Variants in ERC1 observed in about 807,000 individuals in gnomAD.
ERC1 encodes RAB6 interacting protein 2.
In ERC1, 56 loss-of-function variants were observed where a neutral mutation model predicts 132.0. The observed-to-expected ratio is 0.42, with a 90% CI of 0.34 to 0.53. ERC1 has a LOEUF of 0.53. Among genes scored for constraint, ERC1 ranks in the 20% least tolerant of loss-of-function variants. The probability of loss-of-function intolerance (pLI) is 0.03; values close to 1 mark genes in which losing one functional copy is unlikely to be tolerated. For synonymous variants in ERC1, 478 were observed against 476.1 expected (o/e 1.00, Z -0.05); for missense variants, 1,202 against 1,349.9 (o/e 0.89, Z 1.72).
At chr12:1,207,302 A>AT (rs976855294) in intron 12 of ERC1, among the ~76,000 whole-genome samples, 5 of 150,848 alleles carry the variant, frequency 3.3e-5, no homozygotes, top group African/African-American at 7.5e-5. Context: ...TTAGTTTCTT[A>AT]TTTTTTTAGC....
At chr12:1,262,139 GT>G (rs2077182767) in intron 13 of ERC1, among the ~76,000 whole-genome samples, 1 of 152,128 alleles carries the variant, frequency 6.6e-6, no homozygotes, top group South Asian at 2.1e-4. Context: ...TTGCTCTTTT[GT>G]TTTATGTATT....
intron 17 of ERC1, among the ~76,000 whole-genome samples, chr12:1,412,889 A>G (rs1277681885): frequency 6.6e-6 from 1 of 152,230 alleles, no homozygotes; most frequent in African/African-American, 2.4e-5. Context: ...CTTTCAATAA[A>G]TGTTAGTTCC....
chr12:1,344,389 G>A (rs556531227), intron 15 of ERC1, among the ~76,000 whole-genome samples: 10 of 152,296 alleles, frequency 6.6e-5, no homozygotes, highest in Admixed American at 3.9e-4. Context: ...TTTTAACACA[G>A]TGTTCTCTTT....
intron 16 of ERC1, among the ~76,000 whole-genome samples, chr12:1,383,365 C>T (rs1040994785): frequency 4.6e-5 from 7 of 152,154 alleles, no homozygotes; most frequent in African/African-American, 9.7e-5. Flanking sequence ...GTCGTTCCCT[C>T]CTCCGTTAAA....
chr12:1,291,220 T>C (rs926477220), intron 15 of ERC1, among the ~76,000 whole-genome samples: 24 of 152,210 alleles, frequency 1.6e-4, no homozygotes, highest in African/African-American at 4.8e-4. Flanking sequence ...GCTACGAGAT[T>C]CTGTCCTTTT....
intron 15 of ERC1, among the ~76,000 whole-genome samples, chr12:1,325,186 A>G (rs558315602): frequency 9.9e-5 from 15 of 152,152 alleles, no homozygotes; most frequent in Non-Finnish European, 1.5e-4. Flanking sequence ...AGTTTTAAAA[A>G]TTCTATTATT....
chr12:1,440,448 T>A (rs11061760), intron 17 of ERC1, among the ~76,000 whole-genome samples: 1 of 144,932 alleles, frequency 6.9e-6, no homozygotes, highest in Non-Finnish European at 1.5e-5. Context: ...CCTCGTGATC[T>A]GCCCTCCTTG....
chr12:1,318,365 A>C (rs1423450849), intron 15 of ERC1, among the ~76,000 whole-genome samples: 1 of 152,226 alleles, frequency 6.6e-6, no homozygotes, highest in African/African-American at 2.4e-5. Flanking sequence ...TGAAAAGCTC[A>C]TACAAAATTT....
At chr12:1,313,041 G>T (rs1249962356) in intron 15 of ERC1, among the ~76,000 whole-genome samples, 2 of 151,986 alleles carry the variant, frequency 1.3e-5, no homozygotes, top group Non-Finnish European at 2.9e-5. Flanking sequence ...TAGAATAAGG[G>T]TTTATTCTAT....
chr12:1,359,921 T>A (rs1246778892), intron 15 of ERC1, among the ~76,000 whole-genome samples: 1 of 150,272 alleles, frequency 6.7e-6, no homozygotes, highest in African/African-American at 2.5e-5. Flanking sequence ...TACAATTTGA[T>A]AGTTAACTAA....
chr12:1,008,757 G>T (rs1964165881), intron 1 of ERC1, among the ~76,000 whole-genome samples: 1 of 152,086 alleles, frequency 6.6e-6, no homozygotes, highest in South Asian at 2.1e-4. Context: ...AGATTTATAT[G>T]CCCAGGTTAT....
chr12:1,421,979 TC>T (rs2092448028), intron 17 of ERC1, among the ~76,000 whole-genome samples: 1 of 152,154 alleles, frequency 6.6e-6, no homozygotes, highest in Non-Finnish European at 1.5e-5. Context: ...TAAGCCGAGA[TC>T]ATGCCATTGC....
intron 8 of ERC1, among the ~76,000 whole-genome samples, chr12:1,155,314 C>CAAAAAAAAAAA (rs151006544): frequency 1.8e-5 from 1 of 55,092 alleles, no homozygotes; most frequent in African/African-American, 6.6e-5. Context: ...GACTTCATCT[C>CAAAAAAAAAAA]AAAAAAAAAA....
chr12:990,823 G>A (rs551430413), upstream of ERC1, among the ~76,000 whole-genome samples: 1 of 152,118 alleles, frequency 6.6e-6, no homozygotes, highest in African/African-American at 2.4e-5. Flanking sequence ...AAGACACGAA[G>A]CGGCTCCTCG....
intron 15 of ERC1, among the ~76,000 whole-genome samples, chr12:1,309,662 C>A (rs2154349198): frequency 6.6e-6 from 1 of 151,608 alleles, no homozygotes; most frequent in South Asian, 2.1e-4. Context: ...CAGACACACA[C>A]ATAGTGAAAT....
intron 16 of ERC1, among the ~76,000 whole-genome samples, chr12:1,403,568 G>A (rs1027187496): frequency 4.6e-5 from 7 of 151,986 alleles, no homozygotes; most frequent in South Asian, 2.1e-4. Context: ...GATCATCTTC[G>A]TGTCTTTTTG....
chr12:1,181,292 T>A (rs1447496660), intron 9 of ERC1, among the ~76,000 whole-genome samples: 2 of 152,226 alleles, frequency 1.3e-5, no homozygotes, highest in African/African-American at 4.8e-5. Flanking sequence ...ATGTGAATAA[T>A]ATATAGAGAA....
chr12:1,245,015 C>G (rs1343381271), intron 13 of ERC1: 1 of 152,796 alleles, frequency 6.5e-6, no homozygotes, highest in Non-Finnish European at 1.5e-5. Flanking sequence ...AAGTTCATCA[C>G]TGGCTTCACT....
chr12:1,490,073 ATC>A lies in ERC1; in HGVS notation c.3214-15_3214-14del, dbSNP rs759831066. The A allele has an allele frequency of 3.1e-6, 5 of 1,610,056 alleles. No individual in the cohort carries two copies. In the South Asian group the frequency reaches 3.3e-5, roughly 11 times the overall value. ...AATGGGATTGTTGTATCTGAAATCC[ATC>A]TCTCCTTTCCCTTTCAGCTTCAGGA... On this transcript the variant is annotated intron_variant, in intron 18 of 18. Transcript: ENST00000360905.
Sources: allele counts gnomAD v4.1 joint callset (sites outside exome capture counted in the v4.1 genomes callset), GRCh38; gene constraint gnomAD v4.1.1; transcripts MANE v1.5; gene names NCBI Gene and HGNC (gene_info 2026-07-23, HGNC 2026-07-21).